Variants in SLC35D1 observed in about 807,000 individuals in gnomAD.
The protein encoded by SLC35D1 is solute carrier family 35 member D1, also known as nucleotide sugar transporter SLC35D1.
A neutral mutation model predicts 46.7 loss-of-function variants in SLC35D1; 31 were observed. The ratio of observed to expected loss-of-function variants is 0.66; its 90% CI spans 0.50 to 0.90. The LOEUF (loss-of-function observed/expected upper bound fraction) is 0.90. Among genes scored for constraint, SLC35D1 ranks in the 40% least tolerant of loss-of-function variants. The pLI is 0.00. For missense variants in SLC35D1, 397 were observed against 426.2 expected, an observed-to-expected ratio of 0.93 and a Z score of 0.60; for synonymous variants, 195 against 164.6, an observed-to-expected ratio of 1.18 and a Z score of -1.41.
At chr1:67,008,347 C>T in intron 11 of SLC35D1, 1 of 1,090,106 alleles carries the variant, frequency 9.2e-7, no homozygotes. Flanking sequence ...CCATGTTGGC[C>T]AGGGTGGTCT....
intron 7 of SLC35D1, 152 bp downstream of exon 7, chr1:67,047,113 T>C (rs1020727221): frequency 2.5e-4 from 158 of 627,234 alleles, no homozygotes; most frequent in Middle Eastern, 3.8e-4. Context: ...AAGTTTCTTA[T>C]ATGAACACTA....
At chr1:67,042,401 TC>T in intron 7 of SLC35D1, 73 bp from the exon 8 acceptor site, 3 of 462,304 alleles carry the variant, frequency 6.5e-6, no homozygotes, top group Non-Finnish European at 9.8e-6. Flanking sequence ...AAAATACCAC[TC>T]AAACTACACA....
chr1:67,032,336 A>G (rs1668033007), intron 8 of SLC35D1, among the ~76,000 whole-genome samples: 1 of 151,704 alleles, frequency 6.6e-6, no homozygotes, highest in Non-Finnish European at 1.5e-5. Flanking sequence ...TGGTAGGTAT[A>G]TATTTATGGG....
At chr1:66,978,196 C>CAAAAA in the SLC35D1 span, among the ~76,000 whole-genome samples, 1 of 91,388 alleles carries the variant, frequency 1.1e-5, no homozygotes, top group Non-Finnish European at 2.4e-5. Context: ...ACTCCATCTC[C>CAAAAA]AAAAAAAAAA....
intron 11 of SLC35D1, among the ~76,000 whole-genome samples, chr1:67,006,833 G>A (rs1407655196): frequency 6.6e-6 from 1 of 152,104 alleles, no homozygotes; most frequent in Non-Finnish European, 1.5e-5. Flanking sequence ...CACCAGTCAA[G>A]CATCCAAATC....
chr1:66,991,005 C>A, the SLC35D1 span, among the ~76,000 whole-genome samples: 1 of 152,134 alleles, frequency 6.6e-6, no homozygotes, highest in Non-Finnish European at 1.5e-5. Flanking sequence ...CTGCTTAGGG[C>A]CTAACTCTGG....
the SLC35D1 span, among the ~76,000 whole-genome samples, chr1:66,975,458 G>A: frequency 2.2e-4 from 34 of 151,916 alleles, no homozygotes; most frequent in African/African-American, 8.0e-4. Flanking sequence ...GCCTGGGAGG[G>A]CAAGGCTGCA....
At chr1:67,051,629 C>T (rs1645309552) in intron 4 of SLC35D1, among the ~76,000 whole-genome samples, 1 of 152,156 alleles carries the variant, frequency 6.6e-6, no homozygotes, top group East Asian at 1.9e-4. Context: ...TCTAATTTTG[C>T]TGTGTGGAAG....
intron 8 of SLC35D1, among the ~76,000 whole-genome samples, chr1:67,023,188 T>C (rs1667846817): frequency 6.6e-6 from 1 of 152,198 alleles, no homozygotes; most frequent in Non-Finnish European, 1.5e-5. Context: ...GGTAAATAGC[T>C]AGAAAATGGG....
rs191753798 is a variant in SLC35D1, at chr1:67,007,107, G to T, written c.959+1978C>A. 2.0e-5 allele frequency among the ~76,000 whole-genome samples: 3 copies of T among 152,234 alleles called. No homozygotes were observed. The East Asian group carries it at 5.8e-4, about 29-fold the overall frequency. On this transcript the variant is annotated intron_variant, in intron 11 of 11. Coordinates refer to ENST00000235345, the MANE Select transcript of SLC35D1 (RefSeq NM_015139.3). ...CCTTCCCTGTCAGCCCTGACACTCA[G>T]AACCAGAGGGGAGATGTACTGCTGA... is the stretch of plus-strand genomic sequence containing the variant.
At chr1:67,009,274 C>G (rs2102238384) in intron 10 of SLC35D1, 107 bp from the exon 11 acceptor site, 2 of 445,454 alleles carry the variant, frequency 4.5e-6, no homozygotes, top group East Asian at 7.9e-5. Context: ...AACAAATAAA[C>G]AAAAGACAAA....
At chr1:66,988,328 CTCTCT>C in the SLC35D1 span, 2 of 152,254 alleles carry the variant, frequency 1.3e-5, no homozygotes, top group African/African-American at 4.8e-5. Flanking sequence ...TAAAAATTAA[CTCTCT>C]TCTTTAATAT....
At chr1:66,974,114 G>T in the SLC35D1 span, among the ~76,000 whole-genome samples, 1 of 150,790 alleles carries the variant, frequency 6.6e-6, no homozygotes. Context: ...TTTTTTAAGT[G>T]GGAACTGGGC....
intron 10 of SLC35D1, among the ~76,000 whole-genome samples, chr1:67,011,974 G>A (rs904553528): frequency 1.3e-5 from 2 of 152,144 alleles, no homozygotes; most frequent in African/African-American, 2.4e-5. Flanking sequence ...TACTGCTTGA[G>A]GTTCTCTTGT....
rs527784759 is a variant in SLC35D1 at position 67,010,751 on chromosome 1, T to C, written c.877-1584A>G. On this transcript the variant is annotated intron_variant, in intron 10 of 11. Transcript: ENST00000235345. The stretch of plus-strand genomic sequence containing the variant: ...AGAGTTTTAGATTTTGGAGCAAGCA[T>C]TTTGGATTTCAGATTTGGGGTTGCA... Among the ~76,000 whole-genome samples, 6 of 152,304 alleles carry C rather than the reference T, an allele frequency of 3.9e-5. No homozygotes were observed. The South Asian group carries it at 1.0e-3, about 26-fold the overall frequency.
At chr1:66,979,185 G>C in the SLC35D1 span, among the ~76,000 whole-genome samples, 1 of 152,042 alleles carries the variant, frequency 6.6e-6, no homozygotes, top group Non-Finnish European at 1.5e-5. Flanking sequence ...TCTTCTGTAA[G>C]AAGCAGTGAC....
chr1:67,053,965 GGGCTTCTCCTTTAA>G lies in SLC35D1; in HGVS notation c.35_48del (p.Val12AlafsTer10), dbSNP rs1371542097. On this transcript the variant is annotated frameshift_variant, in exon 1 of 12. Transcript: ENST00000235345. LOFTEE classifies it high-confidence loss of function. ...TCTCGGAGTGTGGAGGATTTCGCGG[GGGCTTCTCCTTTAA>G]CCCGAGCATGCTGACGTCTATGAAC... is the stretch of plus-strand genomic sequence containing the variant. 1.2e-6 allele frequency: 2 copies of G among 1,613,464 alleles called. No homozygotes were observed. Among genetic ancestry groups the G allele is most frequent in the Admixed American group, 3.3e-5 (2 of 59,996 alleles).
rs1197403947 is a variant in SLC35D1 at position 67,001,397 on chromosome 1, C to T, written c.*2943G>A. ...ACAGCCACATGAGGCAATTAAAACT[C>T]AACGGGACATGCTGGCAATGTGTAG... On this transcript the variant is annotated 3_prime_UTR_variant, in exon 12 of 12. Coordinates refer to ENST00000235345, the MANE Select transcript of SLC35D1 (RefSeq NM_015139.3). 1 of 152,334 alleles carries T rather than the reference C, an allele frequency of 6.6e-6. No homozygotes were observed. Among genetic ancestry groups the T allele is most frequent in the Non-Finnish European group, 1.5e-5 (1 of 68,046 alleles). 9.4% of individuals were successfully genotyped at this position (152,334 alleles called of 1,614,324 possible). A position where few individuals can be genotyped will look rare whatever the true frequency, so the allele number is the denominator to read the frequency against.
downstream of SLC35D1, among the ~76,000 whole-genome samples, chr1:66,995,281 C>A (rs1667225759): frequency 6.6e-6 from 1 of 151,620 alleles, no homozygotes; most frequent in Admixed American, 6.6e-5. Flanking sequence ...GGTATGTACC[C>A]CAAGCCCCAC....
Sources: gnomAD v4.1 joint callset for allele counts (sites outside exome capture counted in the v4.1 genomes callset) on GRCh38, gnomAD v4.1.1 for gene constraint, MANE v1.5 for transcripts, NCBI Gene and HGNC (gene_info 2026-07-23, HGNC 2026-07-21) for gene names.